The following DIAPH2 variants were observed in gnomAD, a reference collection of about 807,000 sequenced individuals.
The protein encoded by DIAPH2 is protein diaphanous homolog 2.
A neutral mutation model predicts 92.7 loss-of-function variants in DIAPH2; 35 were observed. The observed-to-expected ratio is 0.38, with a 90% CI of 0.29 to 0.50. DIAPH2 has a LOEUF of 0.50. Among genes scored for constraint, DIAPH2 ranks in the 20% least tolerant of loss-of-function variants. DIAPH2 has a pLI of 0.94. For missense variants in DIAPH2, 701 were observed against 819.5 expected, an observed-to-expected ratio of 0.86 and a Z score of 1.77; for synonymous variants, 301 against 280.4, an observed-to-expected ratio of 1.07 and a Z score of -0.73.
At chrX:97,302,761 G>A (rs983273838) in intron 23 of DIAPH2, among the ~76,000 whole-genome samples, 2 of 111,075 alleles carry the variant, frequency 1.8e-5, no homozygotes, top group Non-Finnish European at 3.8e-5. Flanking sequence ...GAGGCAGGCA[G>A]ATCATCTGAG....
intron 4 of DIAPH2, among the ~76,000 whole-genome samples, chrX:96,798,559 T>C (rs781520855): frequency 5.4e-5 from 6 of 111,605 alleles, no homozygotes; most frequent in Non-Finnish European, 7.5e-5. Context: ...TACCTGCTAT[T>C]CCCATCATCT....
intron 26 of DIAPH2, among the ~76,000 whole-genome samples, chrX:97,495,051 G>A (rs1206019036): frequency 8.9e-6 from 1 of 112,543 alleles, no homozygotes; most frequent in African/African-American, 3.2e-5. Context: ...CAAAAGGCTG[G>A]TACATTGGAA....
At chrX:97,597,050 T>C (rs970423462) in intron 26 of DIAPH2, among the ~76,000 whole-genome samples, 9 of 112,318 alleles carry the variant, frequency 8.0e-5, no homozygotes, top group African/African-American at 2.9e-4. Context: ...TTGTTTCTAA[T>C]GATATTTTTT....
At chrX:96,878,745 A>G (rs1449122425) in intron 4 of DIAPH2, among the ~76,000 whole-genome samples, 1 of 111,484 alleles carries the variant, frequency 9.0e-6, no homozygotes, top group Non-Finnish European at 1.9e-5. Context: ...AATCAATTAG[A>G]AAAAGGGAAC....
chrX:97,439,762 C>CG (rs1353816105), intron 26 of DIAPH2, among the ~76,000 whole-genome samples: 32 of 49,416 alleles, frequency 6.5e-4, no homozygotes, highest in Admixed American at 2.1e-3. Context: ...AAAAGAGGGG[C>CG]GGGGGGTGGG....
At chrX:97,359,867 C>T (rs1280833950) in intron 24 of DIAPH2, among the ~76,000 whole-genome samples, 3 of 111,201 alleles carry the variant, frequency 2.7e-5, no homozygotes, top group African/African-American at 6.5e-5. Flanking sequence ...TGAGCCACTG[C>T]GCCCGGCCAT....
At chrX:97,208,817 A>T (rs1420609789) in intron 22 of DIAPH2, among the ~76,000 whole-genome samples, 1 of 111,086 alleles carries the variant, frequency 9.0e-6, no homozygotes, top group Non-Finnish European at 1.9e-5. Flanking sequence ...TTAAGGCAAC[A>T]AAAGGATGTT....
chrX:96,802,758 G>A (rs1465635846), intron 4 of DIAPH2, among the ~76,000 whole-genome samples: 1 of 111,444 alleles, frequency 9.0e-6, no homozygotes, highest in African/African-American at 3.3e-5. Flanking sequence ...ATGATCACAA[G>A]GTGAAGTCCC....
chrX:97,061,625 G>A (rs1239820324), intron 17 of DIAPH2, among the ~76,000 whole-genome samples: 1 of 107,808 alleles, frequency 9.3e-6, no homozygotes, highest in Non-Finnish European at 1.9e-5. Context: ...TGACCAACAT[G>A]GTGAAACCCC....
At chrX:96,983,124 G>A (rs190058015) in intron 17 of DIAPH2, among the ~76,000 whole-genome samples, 2 of 110,916 alleles carry the variant, frequency 1.8e-5, no homozygotes, top group Non-Finnish European at 3.8e-5. Flanking sequence ...TGCTAATGTT[G>A]TCTATTATCT....
intron 22 of DIAPH2, among the ~76,000 whole-genome samples, chrX:97,228,277 A>G (rs2067981637): frequency 9.0e-6 from 1 of 111,588 alleles, no homozygotes; most frequent in Admixed American, 9.6e-5. Flanking sequence ...AGCAAATCTT[A>G]GGGGGAAAAT....
At chrX:97,180,253 A>G (rs897174315) in intron 22 of DIAPH2, among the ~76,000 whole-genome samples, 2 of 112,259 alleles carry the variant, frequency 1.8e-5, no homozygotes, top group African/African-American at 6.5e-5. Context: ...TCTAATTATC[A>G]GTGGTGTTGA....
intron 17 of DIAPH2, among the ~76,000 whole-genome samples, chrX:97,037,665 C>T (rs1272631102): frequency 1.8e-5 from 2 of 111,101 alleles, no homozygotes; most frequent in African/African-American, 3.3e-5. Context: ...CCTATGTCTG[C>T]GGTTTTTCGT....
At chrX:97,063,842 A>G (rs1434301373) in intron 17 of DIAPH2, among the ~76,000 whole-genome samples, 1 of 112,240 alleles carries the variant, frequency 8.9e-6, no homozygotes, top group Non-Finnish European at 1.9e-5. Flanking sequence ...GGGTTTGGAA[A>G]CTATGGTCTG....
chrX:97,246,937 A>G (rs2068146923), intron 22 of DIAPH2, among the ~76,000 whole-genome samples: 1 of 112,015 alleles, frequency 8.9e-6, no homozygotes, highest in Non-Finnish European at 1.9e-5. Context: ...TAGAGTATCT[A>G]TAAAATAGTT....
At chrX:96,763,078 C>G (rs1292641773) in intron 4 of DIAPH2, 1 of 957,224 alleles carries the variant, frequency 1.0e-6, no homozygotes, top group Admixed American at 3.1e-5. Flanking sequence ...CATAACCACT[C>G]TTCGTTGACC....
chrX:97,186,969 C>T (rs1404410538), intron 22 of DIAPH2, among the ~76,000 whole-genome samples: 2 of 111,918 alleles, frequency 1.8e-5, no homozygotes, highest in Admixed American at 9.5e-5. Context: ...TGCCTGTTTA[C>T]GTAAGGACCA....
intron 23 of DIAPH2, among the ~76,000 whole-genome samples, chrX:97,287,952 CAAAAAAAAAAAA>C (rs748309881): frequency 2.5e-5 from 1 of 39,789 alleles, no homozygotes; most frequent in Non-Finnish European, 4.1e-5. Context: ...GACTCTGTCT[CAAAAAAAAAAAA>C]AAAAAAAAAA....
intron 5 of DIAPH2, among the ~76,000 whole-genome samples, chrX:96,886,037 A>G (rs2065259523): frequency 1.8e-5 from 2 of 111,133 alleles, no homozygotes; most frequent in Admixed American, 9.6e-5. Context: ...AGTACATTTG[A>G]AAAAGCCTTT....
Sources: gnomAD v4.1 joint callset for allele counts (sites outside exome capture counted in the v4.1 genomes callset) on GRCh38, gnomAD v4.1.1 for gene constraint, MANE v1.5 for transcripts, NCBI Gene and HGNC (gene_info 2026-07-23, HGNC 2026-07-21) for gene names.